The following ARHGAP20 variants were observed in gnomAD, a reference collection of about 807,000 sequenced individuals.
ARHGAP20 encodes rho GTPase-activating protein 20.
In ARHGAP20, 34 loss-of-function variants were observed where a neutral mutation model predicts 73.7. That is an observed-to-expected ratio of 0.46 (90% CI 0.35 to 0.61). ARHGAP20 has a LOEUF of 0.61. Ranked by LOEUF, ARHGAP20 falls within the 20% of genes least tolerant of loss-of-function variation. The pLI is 0.00. For missense variants in ARHGAP20, 1,314 were observed against 1,420.9 expected (o/e 0.92, Z 1.21); for synonymous variants, 523 against 518.2 (o/e 1.01, Z -0.13).
chr11:110,711,671 G>C (rs1389752766), intron 1 of ARHGAP20: 1 of 1,463,966 alleles, frequency 6.8e-7, no homozygotes, highest in Non-Finnish European at 9.0e-7. Context: ...CTTCAGCGCC[G>C]GCTGCCGCTC....
chr11:110,636,703 C>T (rs904227334), intron 2 of ARHGAP20, among the ~76,000 whole-genome samples: 6 of 151,960 alleles, frequency 3.9e-5, no homozygotes, highest in African/African-American at 1.4e-4. Context: ...TCAGCACTCA[C>T]ATAATTTAAA....
chr11:110,606,476 T>C, intron 9 of ARHGAP20, 85 bp downstream of exon 9: 1 of 1,365,160 alleles, frequency 7.3e-7, no homozygotes, highest in South Asian at 1.4e-5. Context: ...CAAGAAAAAA[T>C]ACCTCATCTG....
At chr11:110,703,491 A>G (rs574208455) in intron 1 of ARHGAP20, among the ~76,000 whole-genome samples, 1 of 151,694 alleles carries the variant, frequency 6.6e-6, no homozygotes, top group East Asian at 1.9e-4. Flanking sequence ...GGATTCATTC[A>G]TATATATTCA....
At chr11:110,674,040 G>A (rs1949881561) in intron 2 of ARHGAP20, among the ~76,000 whole-genome samples, 1 of 151,732 alleles carries the variant, frequency 6.6e-6, no homozygotes, top group Admixed American at 6.6e-5. Flanking sequence ...CCAGGTTCAA[G>A]CAATTCTCTT....
At chr11:110,591,158 C>T (rs1179251904) in intron 10 of ARHGAP20, among the ~76,000 whole-genome samples, 1 of 152,120 alleles carries the variant, frequency 6.6e-6, no homozygotes, top group African/African-American at 2.4e-5. Context: ...TAAGTGTTCT[C>T]TAATTTTCCT....
intron 9 of ARHGAP20, among the ~76,000 whole-genome samples, chr11:110,600,040 G>C (rs1948072099): frequency 6.6e-6 from 1 of 152,216 alleles, no homozygotes; most frequent in African/African-American, 2.4e-5. Context: ...GGTCTCCTCT[G>C]AGCTGTTATA....
intron 1 of ARHGAP20, among the ~76,000 whole-genome samples, chr11:110,701,494 A>G (rs1263377912): frequency 6.6e-6 from 1 of 151,100 alleles, no homozygotes; most frequent in Non-Finnish European, 1.5e-5. Context: ...CCTTTGTCAG[A>G]TGAGTAGGTT....
chr11:110,693,638 C>A (rs1950283523), intron 1 of ARHGAP20, among the ~76,000 whole-genome samples: 1 of 151,874 alleles, frequency 6.6e-6, no homozygotes, highest in Non-Finnish European at 1.5e-5. Flanking sequence ...TGTAACCAAA[C>A]AAAGGGCCAC....
chr11:110,655,897 C>A (rs1293234055), intron 2 of ARHGAP20, among the ~76,000 whole-genome samples: 1 of 152,158 alleles, frequency 6.6e-6, no homozygotes, highest in Non-Finnish European at 1.5e-5. Flanking sequence ...TGTCTAAGAT[C>A]AGGGAGGCCT....
intron 1 of ARHGAP20, chr11:110,691,124 C>G: frequency 1.6e-6 from 1 of 621,698 alleles, no homozygotes; most frequent in Non-Finnish European, 2.5e-6. Context: ...TATTAACACA[C>G]TTGGGAATCC....
chr11:110,657,250 T>C (rs1949486757), intron 2 of ARHGAP20, among the ~76,000 whole-genome samples: 1 of 152,158 alleles, frequency 6.6e-6, no homozygotes, highest in African/African-American at 2.4e-5. Context: ...ATTCCAGTTC[T>C]AAATTTCTGA....
chr11:110,577,856 GA>G lies in ARHGAP20; in HGVS notation c.*1513del. 2 of 985,626 alleles carry G rather than the reference GA, an allele frequency of 2.0e-6. No homozygotes were observed. Among genetic ancestry groups the G allele is most frequent in the Non-Finnish European group, 2.4e-6 (2 of 829,790 alleles). The allele number at this position is 985,626 out of a possible 1,614,324, so 61.1% of individuals were successfully genotyped here. ...AGAAAATATTTTTTCCCCTATAACT[GA>G]AAATGCAACCTTTAGAACAAAAAAG... On this transcript the variant is annotated 3_prime_UTR_variant, in exon 15 of 15. Transcript: ENST00000683387.
At chr11:110,617,301 T>G (rs1027622862) in intron 4 of ARHGAP20, among the ~76,000 whole-genome samples, 1 of 151,952 alleles carries the variant, frequency 6.6e-6, no homozygotes, top group African/African-American at 2.4e-5. Flanking sequence ...CTTTTTTTTT[T>G]GCCCAGGATG....
At chr11:110,631,618 T>C (rs1948862633) in intron 2 of ARHGAP20, among the ~76,000 whole-genome samples, 1 of 152,158 alleles carries the variant, frequency 6.6e-6, no homozygotes, top group Non-Finnish European at 1.5e-5. Context: ...TCATGCCCTT[T>C]AGAGCTCTCT....
chr11:110,625,071 C>T (rs182269312), intron 3 of ARHGAP20, among the ~76,000 whole-genome samples: 1 of 146,290 alleles, frequency 6.8e-6, no homozygotes, highest in Admixed American at 6.9e-5. Flanking sequence ...CGCTCTGTCG[C>T]CCAGGCCGGA....
At chr11:110,700,580 CTTTTT>C (rs1216968656) in intron 1 of ARHGAP20, among the ~76,000 whole-genome samples, 1 of 149,824 alleles carries the variant, frequency 6.7e-6, no homozygotes, top group Non-Finnish European at 1.5e-5. Flanking sequence ...TTTTTTCTTT[CTTTTT>C]TATTTTATTT....
intron 2 of ARHGAP20, among the ~76,000 whole-genome samples, chr11:110,650,063 T>C (rs1949315275): frequency 6.6e-6 from 1 of 152,186 alleles, no homozygotes; most frequent in African/African-American, 2.4e-5. Context: ...ATCTGACTCA[T>C]AATGGGTGTT....
At chr11:110,613,637 G>A (rs1020103503) in intron 6 of ARHGAP20, among the ~76,000 whole-genome samples, 1 of 152,076 alleles carries the variant, frequency 6.6e-6, no homozygotes, top group Admixed American at 6.6e-5. Flanking sequence ...AATCAAAGCA[G>A]ACAGAAAAAA....
intron 2 of ARHGAP20, among the ~76,000 whole-genome samples, chr11:110,689,423 T>C (rs888024373): frequency 3.3e-5 from 5 of 152,140 alleles, no homozygotes; most frequent in African/African-American, 4.8e-5. Context: ...TCTTACGAGT[T>C]AAAATGCCAT....
Sources: gnomAD v4.1 joint callset for allele counts (sites outside exome capture counted in the v4.1 genomes callset) on GRCh38, gnomAD v4.1.1 for gene constraint, MANE v1.5 for transcripts, NCBI Gene and HGNC (gene_info 2026-07-23, HGNC 2026-07-21) for gene names.